The following PLEKHG2 variants were observed in gnomAD, a reference collection of about 807,000 sequenced individuals.
PLEKHG2 encodes the protein pleckstrin homology and RhoGEF domain containing G2.
A neutral mutation model predicts 104.4 loss-of-function variants in PLEKHG2; 71 were observed. The observed-to-expected ratio is 0.68, with a 90% CI of 0.56 to 0.83. The LOEUF is 0.83. Among genes scored for constraint, PLEKHG2 ranks in the 40% least tolerant of loss-of-function variants. The probability of loss-of-function intolerance (pLI) is 0.00; values close to 1 mark genes in which losing one functional copy is unlikely to be tolerated. For missense variants in PLEKHG2, 1,730 were observed against 1,809.4 expected (o/e 0.96, Z 0.80); for synonymous variants, 728 against 737.0 (o/e 0.99, Z 0.20).
rs2078604268 is a variant in PLEKHG2 at position 39,416,393 on chromosome 19, T to G, written c.525T>G (p.Ile175Met). 6.2e-7 allele frequency: 1 copy of G among 1,612,572 alleles called. No homozygotes were observed. Among genetic ancestry groups the G allele is most frequent in the South Asian group, 1.1e-5 (1 of 91,000 alleles). The change falls in exon 5 of 19, where the codon ATT (isoleucine) becomes ATG (methionine). Residue 175 changes from isoleucine (I) to methionine (M), a missense_variant. Coordinates refer to ENST00000425673, the MANE Select transcript of PLEKHG2 (RefSeq NM_022835.3). This position sits in a 1 kb window ranked among gnomAD's most constrained non-coding sequence, Gnocchi z 4.5. ...DLENSSSAGGIAECFVQRSED... is the reference protein window; with the variant it reads ...DLENSSSAGGMAECFVQRSED... Reference sequence around the variant, plus strand: ...AGAACAGCAGCAGCGCCGGGGGTATTGCCGAGTGCTTCGTGCAGAGGGTGA... The same window carrying G: ...AGAACAGCAGCAGCGCCGGGGGTATGGCCGAGTGCTTCGTGCAGAGGGTGA...
rs1166081515 is a variant in PLEKHG2, at chr19:39,425,386, G to T, written c.*92G>T. 3 of 1,488,792 alleles carry T rather than the reference G, an allele frequency of 2.0e-6. No individual in the cohort carries two copies. The highest frequency in any genetic ancestry group is 2.4e-5 in the East Asian group (1 of 41,650). The allele number at this position is 1,488,792 out of a possible 1,614,324, so 92.2% of individuals were successfully genotyped here. On this transcript the variant is annotated 3_prime_UTR_variant, in exon 19 of 19. Transcript: ENST00000425673. ...CTGGAAGTCCAGACACTGAACGCAG[G>T]CCTCAAAACTGCTGCGGCCTTCCAA...
chr19:39,414,466 G>A (rs2078569527), intron 2 of PLEKHG2, among the ~76,000 whole-genome samples: 1 of 152,212 alleles, frequency 6.6e-6, no homozygotes, highest in African/African-American at 2.4e-5. Context: ...GAAGATTAGG[G>A]GGAAGGAGTT....
Position 39,426,020 on chromosome 19 carries a change from A to G in PLEKHG2, c.*726A>G, listed in dbSNP as rs572574679. 6.6e-6 allele frequency: 1 copy of G among 152,444 alleles called. No individual in the cohort carries two copies. The highest frequency in any genetic ancestry group is 2.1e-4 in the South Asian group (1 of 4,820). 9.4% of individuals were successfully genotyped at this position (152,444 alleles called of 1,614,324 possible). On this transcript the variant is annotated 3_prime_UTR_variant, in exon 19 of 19. Transcript: ENST00000425673. ...ATCTTCTCCATCCAGCACTCCGTTC[A>G]TCAGTCCGTCTCTCCCTCCATATTT...
chr19:39,418,240 A>C, intron 9 of PLEKHG2, 135 bp downstream of exon 9: 1 of 793,628 alleles, frequency 1.3e-6, no homozygotes, highest in Non-Finnish European at 1.8e-6. Context: ...AGCCAAGGGA[A>C]GCTTTCTTTC....
chr19:39,421,736 G>C (rs1255234473), intron 16 of PLEKHG2: 2 of 214,824 alleles, frequency 9.3e-6, no homozygotes, highest in Non-Finnish European at 1.9e-5. Flanking sequence ...TTTAAAAATT[G>C]AGCCAGGTAC....
chr19:39,421,764 C>T, intron 16 of PLEKHG2: 1 of 226,674 alleles, frequency 4.4e-6, no homozygotes, highest in South Asian at 1.0e-4. Context: ...CACCTGTAAT[C>T]CCAGCACTTT....
chr19:39,415,192 G>C lies in PLEKHG2; in HGVS notation c.310G>C (p.Glu104Gln), dbSNP rs904489134. The C allele has an allele frequency of 4.4e-6, 7 of 1,589,832 alleles. No individual in the cohort carries two copies. In the South Asian group the frequency reaches 5.7e-5, roughly 13 times the overall value. Residue 104 changes from glutamate to glutamine, a missense_variant, in exon 3 of 19, where the codon GAG (glutamate) becomes CAG (glutamine). Transcript: ENST00000425673. This position sits in a 1 kb window ranked among gnomAD's most constrained non-coding sequence, Gnocchi z 4.6. The stretch of plus-strand genomic sequence containing the variant: ...AGGTTCAGCCAGACCCTCAAGGCTG[G>C]AGCGTGTGGCCCGGGAGATCGTGGA... ...IPGSARPSRLERVAREIVETE... is the reference protein window; with the variant it reads ...IPGSARPSRLQRVAREIVETE...
Position 39,416,254 on chromosome 19 carries a change from C to A in PLEKHG2, c.480-94C>A, listed in dbSNP as rs2078600677. On this transcript the variant is annotated intron_variant, in intron 4 of 18. Coordinates refer to ENST00000425673, the MANE Select transcript of PLEKHG2 (RefSeq NM_022835.3). This position sits in a 1 kb window ranked among gnomAD's most constrained non-coding sequence, Gnocchi z 4.5. Reference sequence around the variant, plus strand: ...ATGCTGGCAGTCAGCAAGCCCCCAGCCCCAGCAGACCATTGGGGCCTCAGC... The same window carrying A: ...ATGCTGGCAGTCAGCAAGCCCCCAGACCCAGCAGACCATTGGGGCCTCAGC... 7.9e-7 allele frequency: 1 copy of A among 1,272,756 alleles called. No individual in the cohort carries two copies. The highest frequency in any genetic ancestry group is 1.1e-6 in the Non-Finnish European group (1 of 882,318). 78.8% of individuals were successfully genotyped at this position (1,272,756 alleles called of 1,614,324 possible). A position where few individuals can be genotyped will look rare whatever the true frequency, so the allele number is the denominator to read the frequency against.
Position 39,416,349 on chromosome 19 carries a change from G to A in PLEKHG2, c.481G>A (p.Glu161Lys), listed in dbSNP as rs1380174390. ...NIEDIYEFSS[E>K]LLEDLENSSS... Reference sequence around the variant, plus strand: ...CTCACCCTCCCCTCTCCCCTGTAGCGAGCTCCTGGAGGACTTGGAGAACAG... The same window carrying A: ...CTCACCCTCCCCTCTCCCCTGTAGCAAGCTCCTGGAGGACTTGGAGAACAG... The change falls in exon 5 of 19, where the codon GAG becomes AAG. Residue 161 changes from glutamate to lysine, a missense_variant and splice_region_variant. Transcript: ENST00000425673. The surrounding 1 kb of genome is among the most constrained non-coding windows in gnomAD (Gnocchi z 4.5). 2.7e-5 allele frequency: 43 copies of A among 1,612,584 alleles called. No individual in the cohort carries two copies. Among genetic ancestry groups the A allele is most frequent in the Non-Finnish European group, 3.6e-5 (42 of 1,179,746 alleles).
chr19:39,424,758 C>A lies in PLEKHG2; in HGVS notation c.3625C>A (p.Pro1209Thr). The A allele has an allele frequency of 2.5e-6, 4 of 1,614,206 alleles. No homozygotes were observed. Among genetic ancestry groups the A allele is most frequent in the Non-Finnish European group, 3.4e-6 (4 of 1,180,042 alleles). ...GAAGAGCCTCATAGATGCCCATGTT[C>A]CAGCTGCCACACCTTTACCTGAGAG... ...EQKSLIDAHV[P>T]AATPLPERGG... is the part of the protein sequence containing the mutation. Residue 1209 changes from proline (P) to threonine (T), a missense_variant, in exon 19 of 19, where the codon CCA (proline) becomes ACA (threonine). Pro to Thr is a conservative substitution (Grantham distance 38). Coordinates refer to ENST00000425673, the MANE Select transcript of PLEKHG2 (RefSeq NM_022835.3).
At chr19:39,421,054 A>C (rs777120284) in intron 14 of PLEKHG2, 21 bp from the exon 15 acceptor site, 124 of 1,613,868 alleles carry the variant, frequency 7.7e-5, no homozygotes, top group Non-Finnish European at 1.0e-4. Context: ...GGCTCCTGAC[A>C]TCACTGTGTC....
intron 16 of PLEKHG2, 183 bp from the exon 17 acceptor site, chr19:39,421,932 G>A (rs1197158479): frequency 1.8e-5 from 9 of 489,582 alleles, no homozygotes; most frequent in African/African-American, 1.0e-4. Context: ...CAGCAGAATC[G>A]CTTGAACCCG....
At chr19:39,422,356 T>C (rs756434085) in intron 17 of PLEKHG2, 68 bp downstream of exon 17, 279 of 1,513,978 alleles carry the variant, frequency 1.8e-4, no homozygotes, top group Non-Finnish European at 2.4e-4. Flanking sequence ...AGGGACCAGA[T>C]AGGCCAGCCC....
Position 39,425,323 on chromosome 19 carries a change from G to A in PLEKHG2, c.*29G>A. The A allele has an allele frequency of 6.3e-7, 1 of 1,587,350 alleles. No homozygotes were observed. The highest frequency in any genetic ancestry group is 8.5e-7 in the Non-Finnish European group (1 of 1,170,272). On this transcript the variant is annotated 3_prime_UTR_variant, in exon 19 of 19. Transcript: ENST00000425673. Reference sequence around the variant, plus strand: ...AGGACATGAGGCTTCCCTGAAGCAAGGATTTCAGCCAGATGCCATAGACCC... The same window carrying A: ...AGGACATGAGGCTTCCCTGAAGCAAAGATTTCAGCCAGATGCCATAGACCC...
chr19:39,418,846 A>G lies in PLEKHG2; in HGVS notation c.1176+20A>G. On this transcript the variant is annotated intron_variant, in intron 10 of 18. Coordinates refer to ENST00000425673, the MANE Select transcript of PLEKHG2 (RefSeq NM_022835.3). ...CTCCAGGTGAGCATGTAGTGGGATC[A>G]GGCTGGCAGGGATCCCCCAGCCTCG... is the stretch of plus-strand genomic sequence containing the variant. 6.3e-7 allele frequency: 1 copy of G among 1,598,448 alleles called. No homozygotes were observed. Among genetic ancestry groups the G allele is most frequent in the Non-Finnish European group, 8.6e-7 (1 of 1,167,980 alleles).
rs940696206 is a variant in PLEKHG2, at chr19:39,413,582, G to C, written c.-23+170G>C. On this transcript the variant is annotated intron_variant, in intron 1 of 18. Coordinates refer to ENST00000425673, the MANE Select transcript of PLEKHG2 (RefSeq NM_022835.3). This position sits in a 1 kb window ranked among gnomAD's most constrained non-coding sequence, Gnocchi z 4.5. ...CTGTGGCTGTGGGGACGGCGATCGG[G>C]GTTCGGAGAGACCGGCCGGAGGGGG... 6.5e-6 allele frequency: 1 copy of C among 152,874 alleles called. No individual in the cohort carries two copies. Among genetic ancestry groups the C allele is most frequent in the East Asian group, 1.9e-4 (1 of 5,184 alleles). The allele number at this position is 152,874 out of a possible 1,614,324, so 9.5% of individuals were successfully genotyped here.
Position 39,423,838 on chromosome 19 carries a change from C to A in PLEKHG2, c.2705C>A (p.Ala902Asp). ...PLGPAVWVQA[A>D]IPLSKQGGSP... ...GGTCCTGCTGTCTGGGTTCAAGCTG[C>A]CATACCTTTGTCAAAGCAGGGAGGC... Residue 902 changes from alanine to aspartate, a missense_variant, in exon 19 of 19, where the codon GCC becomes GAC. By Grantham distance (126) the Ala-to-Asp change is moderately radical (BLOSUM62 -2). Transcript: ENST00000425673. The A allele has an allele frequency of 6.2e-7, 1 of 1,614,204 alleles. No homozygotes were observed. The highest frequency in any genetic ancestry group is 8.5e-7 in the Non-Finnish European group (1 of 1,180,040).
chr19:39,425,367 G>T lies in PLEKHG2; in HGVS notation c.*73G>T. 1.3e-6 allele frequency: 2 copies of T among 1,524,820 alleles called. No individual in the cohort carries two copies. The highest frequency in any genetic ancestry group is 2.8e-5 in the African/African-American group (2 of 71,480). 94.5% of individuals were successfully genotyped at this position (1,524,820 alleles called of 1,614,324 possible). A position where few individuals can be genotyped will look rare whatever the true frequency, so the allele number is the denominator to read the frequency against. ...TAGACCCTCAGAACTTGACCTGGAA[G>T]TCCAGACACTGAACGCAGGCCTCAA... On this transcript the variant is annotated 3_prime_UTR_variant, in exon 19 of 19. Transcript: ENST00000425673.
chr19:39,425,000 C>T lies in PLEKHG2; in HGVS notation c.3867C>T (p.Ser1289=), dbSNP rs756767227. The T allele has an allele frequency of 4.3e-6, 7 of 1,609,968 alleles. No homozygotes were observed. In the South Asian group the frequency reaches 7.7e-5, roughly 18 times the overall value. ...TGGCAGCCTCATATATCAGCCAGAG[C>T]CTGGCTCGGCGGCAGGGGCCTGGGG... ...RYLAASYISQ[S]LARRQGPGGG... The change falls in exon 19 of 19, where the codon AGC becomes AGT. Residue 1289 remains serine, a synonymous_variant. Transcript: ENST00000425673.
Sources: allele counts gnomAD v4.1 joint callset (sites outside exome capture counted in the v4.1 genomes callset), GRCh38; gene constraint gnomAD v4.1.1; non-coding constraint Gnocchi (gnomAD v3.1); transcripts MANE v1.5; gene names NCBI Gene and HGNC (gene_info 2026-07-23, HGNC 2026-07-21).